CSGALNACT1: variants seen among roughly 807,000 people sequenced by gnomAD.
The protein encoded by CSGALNACT1 is chondroitin sulfate N-acetylgalactosaminyltransferase 1.
A neutral mutation model predicts 51.0 loss-of-function variants in CSGALNACT1; 52 were observed. That is an observed-to-expected ratio of 1.02 (90% CI 0.82 to 1.29). The LOEUF (loss-of-function observed/expected upper bound fraction) is 1.29, where lower values mean the gene tolerates loss of function less well. Ranked by LOEUF, CSGALNACT1 falls within the 50% of genes most tolerant of loss-of-function variation. CSGALNACT1 has a pLI of 0.00. For synonymous variants in CSGALNACT1, 341 were observed against 254.4 expected (o/e 1.34, Z -3.24); for missense variants, 935 against 679.2 (o/e 1.38, Z -4.19).
chr8:19,494,662 TAAC>T lies in CSGALNACT1; in HGVS notation c.634+10536_634+10538del, dbSNP rs541677434. Among the ~76,000 whole-genome samples the T allele has an allele frequency of 2.2e-3, 328 of 152,308 alleles. 4 individuals are homozygous for T. Among genetic ancestry groups the T allele is most frequent in the African/African-American group, 7.6e-3 (316 of 41,582 alleles). The stretch of plus-strand genomic sequence containing the variant: ...CCCATTACACATCTATTCCTACACT[TAAC>T]AAAGTTTTGAGTTGCACTTAACCTG... On this transcript the variant is annotated intron_variant, in intron 4 of 9. Transcript: ENST00000454498.
intron 5 of CSGALNACT1, among the ~76,000 whole-genome samples, chr8:19,452,466 A>G (rs2063349862): frequency 6.6e-6 from 1 of 152,036 alleles, no homozygotes; most frequent in South Asian, 2.1e-4. Flanking sequence ...AGCAAAGGAA[A>G]AAAGCTAATC....
upstream of CSGALNACT1, among the ~76,000 whole-genome samples, chr8:19,686,928 G>T (rs537740402): frequency 3.9e-5 from 6 of 152,172 alleles, no homozygotes; most frequent in Non-Finnish European, 7.3e-5. Flanking sequence ...ACAGTTTAAC[G>T]TAATGGTTCC....
intron 3 of CSGALNACT1, among the ~76,000 whole-genome samples, chr8:19,542,697 A>G (rs2085496539): frequency 6.6e-6 from 1 of 152,162 alleles, no homozygotes; most frequent in Admixed American, 6.5e-5. Flanking sequence ...CCATCTCTTC[A>G]TTATCTAATC....
In CSGALNACT1 at chr8:19,710,308, G is replaced by C. The variant is rs115509602; in HGVS notation, c.-297+47542C>G. On this transcript the variant is annotated intron_variant, in intron 1 of 1. Coordinates refer to the CSGALNACT1 transcript ENST00000517494. ...TTGTCAAGAACTAATTACCAGCTGAGAGTCAGTTCAGCAAGATTGCTGCAG... is the reference window on the plus strand; with the variant it reads ...TTGTCAAGAACTAATTACCAGCTGACAGTCAGTTCAGCAAGATTGCTGCAG... Among the ~76,000 whole-genome samples, 1,200 of 152,310 alleles carry C rather than the reference G, an allele frequency of 7.9e-3. 22 individuals carry two copies. Among genetic ancestry groups the C allele is most frequent in the African/African-American group, 0.027 (1,114 of 41,550 alleles).
chr8:19,505,908 G>A (rs752495099), exon 4 of CSGALNACT1: 1 of 1,581,776 alleles, frequency 6.3e-7, no homozygotes. Context: ...GCTTCCCTGG[G>A]CTAGACCACA....
At chr8:19,439,625 A>T (rs1008372002) in intron 6 of CSGALNACT1, among the ~76,000 whole-genome samples, 7 of 152,232 alleles carry the variant, frequency 4.6e-5, no homozygotes, top group African/African-American at 1.7e-4. Context: ...GTCATCACCC[A>T]TGCACATTGA....
intron 4 of CSGALNACT1, among the ~76,000 whole-genome samples, chr8:19,476,959 G>A (rs941979962): frequency 6.6e-6 from 1 of 152,162 alleles, no homozygotes; most frequent in South Asian, 2.1e-4. Context: ...CCATCCCCAT[G>A]TGTCCTTTCT....
At chr8:19,446,433 T>A (rs1304733527) in intron 5 of CSGALNACT1, among the ~76,000 whole-genome samples, 2 of 152,032 alleles carry the variant, frequency 1.3e-5, no homozygotes, top group South Asian at 2.1e-4. Flanking sequence ...TTTCCCATAG[T>A]CTCCGTGCAC....
chr8:19,482,834 A>G (rs1176668284), intron 4 of CSGALNACT1, among the ~76,000 whole-genome samples: 1 of 151,962 alleles, frequency 6.6e-6, no homozygotes, highest in Non-Finnish European at 1.5e-5. Context: ...CCATATTCCA[A>G]CTGTCTTGGC....
At chr8:19,532,861 A>C (rs2083038075) in intron 3 of CSGALNACT1, among the ~76,000 whole-genome samples, 1 of 152,226 alleles carries the variant, frequency 6.6e-6, no homozygotes, top group Non-Finnish European at 1.5e-5. Context: ...ACTTCTCTGT[A>C]CTACAGGTGA....
upstream of CSGALNACT1, among the ~76,000 whole-genome samples, chr8:19,683,535 C>T (rs1244798918): frequency 6.6e-6 from 1 of 152,144 alleles, no homozygotes; most frequent in Non-Finnish European, 1.5e-5. Context: ...GCTATACAGT[C>T]CCTTTCGTAA....
intron 1 of CSGALNACT1, among the ~76,000 whole-genome samples, chr8:19,748,988 C>T (rs922461256): frequency 5.3e-5 from 8 of 151,744 alleles, no homozygotes; most frequent in Non-Finnish European, 8.8e-5. Flanking sequence ...CATTAAGGAA[C>T]TTGCCCAAGT....
intron 3 of CSGALNACT1, among the ~76,000 whole-genome samples, chr8:19,512,645 G>C (rs1321305651): frequency 6.6e-6 from 1 of 152,072 alleles, no homozygotes; most frequent in African/African-American, 2.4e-5. Context: ...TTCTCCGTTT[G>C]AGAAAATAAG....
chr8:19,542,200 AAC>A (rs55968136), intron 3 of CSGALNACT1, among the ~76,000 whole-genome samples: 13,029 of 143,938 alleles, frequency 0.091, 594 homozygotes, highest in African/African-American at 0.12. Context: ...CAGCACAAGA[AAC>A]ACACACACAC....
chr8:19,668,764 G>A (rs1441512034), intron 1 of CSGALNACT1, among the ~76,000 whole-genome samples: 1 of 152,134 alleles, frequency 6.6e-6, no homozygotes, highest in Non-Finnish European at 1.5e-5. Flanking sequence ...TGTTGCCCAG[G>A]CTGGTCTTGA....
chr8:19,405,753 T>C (rs771167052), exon 10 of CSGALNACT1: 21 of 1,613,782 alleles, frequency 1.3e-5, no homozygotes, highest in Non-Finnish European at 1.8e-5. Flanking sequence ...AAAGAAAAAG[T>C]GTCTCCCACA....
chr8:19,685,373 G>T (rs918614606), upstream of CSGALNACT1, among the ~76,000 whole-genome samples: 1 of 152,184 alleles, frequency 6.6e-6, no homozygotes, highest in Non-Finnish European at 1.5e-5. Context: ...GGTGTCATGT[G>T]CCTGTGGTCC....
Position 19,504,339 on chromosome 8 carries a change from G to A in CSGALNACT1, c.634+862C>T, listed in dbSNP as rs2076928914. ...GATCCGCCTGCCTGGGCCTCCCAAAGTGCTGGGATTACAGGCGCGAGCCAC... is the reference window on the plus strand; with the variant it reads ...GATCCGCCTGCCTGGGCCTCCCAAAATGCTGGGATTACAGGCGCGAGCCAC... On this transcript the variant is annotated intron_variant, in intron 4 of 9. Coordinates refer to ENST00000454498, the Ensembl canonical transcript of CSGALNACT1. Among the ~76,000 whole-genome samples, 3 of 152,222 alleles carry A rather than the reference G, an allele frequency of 2.0e-5. No homozygotes were observed. In the South Asian group the frequency reaches 6.2e-4, roughly 31 times the overall value.
chr8:19,668,620 T>C (rs548253221), intron 1 of CSGALNACT1, among the ~76,000 whole-genome samples: 1 of 152,310 alleles, frequency 6.6e-6, no homozygotes, highest in African/African-American at 2.4e-5. Context: ...AGTGGCATGA[T>C]CTTGGCTCAC....
Sources: allele counts gnomAD v4.1 joint callset (sites outside exome capture counted in the v4.1 genomes callset), GRCh38; gene constraint gnomAD v4.1.1; transcripts MANE v1.5; gene names NCBI Gene and HGNC (gene_info 2026-07-23, HGNC 2026-07-21).